The following LRRC4C variants were observed in gnomAD, a reference collection of about 807,000 sequenced individuals.
LRRC4C encodes the protein leucine-rich repeat-containing protein 4C.
Under a neutral mutation model 33.6 loss-of-function variants are expected in LRRC4C, and 5 were observed. The observed-to-expected ratio is 0.15, with a 90% CI of 0.08 to 0.31. The LOEUF (loss-of-function observed/expected upper bound fraction) is 0.31. Among genes scored for constraint, LRRC4C ranks in the 10% least tolerant of loss-of-function variants. The pLI, the probability that LRRC4C is intolerant of heterozygous loss-of-function variation, is 1.00. For synonymous variants in LRRC4C, 329 were observed against 302.0 expected, an observed-to-expected ratio of 1.09 and a Z score of -0.93; for missense variants, 560 against 796.7, an observed-to-expected ratio of 0.70 and a Z score of 3.58.
chr11:40,582,870 CATGATATGTTTTGATA>C (rs1418025999), intron 3 of LRRC4C, among the ~76,000 whole-genome samples: 1 of 151,932 alleles, frequency 6.6e-6, no homozygotes, highest in Non-Finnish European at 1.5e-5. Context: ...TTATGGAGTA[CATGATATGTTTTGATA>C]CATGCATACA....
intron 1 of LRRC4C, among the ~76,000 whole-genome samples, chr11:41,028,445 G>T (rs374094276): frequency 6.6e-6 from 1 of 151,228 alleles, no homozygotes; most frequent in Non-Finnish European, 1.5e-5. Flanking sequence ...CAGCAGCTTC[G>T]CCTCAGAATT....
chr11:40,372,580 C>A (rs1157307042), intron 3 of LRRC4C, among the ~76,000 whole-genome samples: 1 of 152,146 alleles, frequency 6.6e-6, no homozygotes, highest in African/African-American at 2.4e-5. Context: ...TTCACAGCTT[C>A]CAGAAATTAG....
At chr11:40,577,992 G>A (rs1958274763) in intron 3 of LRRC4C, among the ~76,000 whole-genome samples, 1 of 151,016 alleles carries the variant, frequency 6.6e-6, no homozygotes, top group Non-Finnish European at 1.5e-5. Context: ...CCTCCACTAT[G>A]CCCGGTTAAT....
At chr11:40,184,122 C>A (rs2135544648) in intron 5 of LRRC4C, among the ~76,000 whole-genome samples, 1 of 152,240 alleles carries the variant, frequency 6.6e-6, no homozygotes, top group South Asian at 2.1e-4. Context: ...ATCTCAATTT[C>A]CCTGGGACAG....
chr11:40,723,268 T>C (rs1036113569), intron 2 of LRRC4C, among the ~76,000 whole-genome samples: 8 of 151,696 alleles, frequency 5.3e-5, no homozygotes, highest in Admixed American at 2.0e-4. Flanking sequence ...CCCTGCAAGA[T>C]ACTATATAAG....
At chr11:40,891,940 C>T (rs910462485) in intron 2 of LRRC4C, among the ~76,000 whole-genome samples, 2 of 151,818 alleles carry the variant, frequency 1.3e-5, no homozygotes, top group Admixed American at 6.6e-5. Flanking sequence ...TCGAGACCAT[C>T]CTGGCTAACA....
At chr11:41,065,600 C>T (rs911757727) in intron 1 of LRRC4C, among the ~76,000 whole-genome samples, 10 of 152,194 alleles carry the variant, frequency 6.6e-5, no homozygotes, top group Admixed American at 4.6e-4. Flanking sequence ...GGGTCCCTGA[C>T]CCCATGCCTC....
chr11:40,509,227 C>T (rs1365835738), intron 3 of LRRC4C, among the ~76,000 whole-genome samples: 1 of 152,114 alleles, frequency 6.6e-6, no homozygotes, highest in Non-Finnish European at 1.5e-5. Context: ...AGAAATTCTA[C>T]TTGAAATATT....
chr11:40,462,730 T>C (rs1325720681), intron 3 of LRRC4C, among the ~76,000 whole-genome samples: 1 of 152,114 alleles, frequency 6.6e-6, no homozygotes, highest in African/African-American at 2.4e-5. Flanking sequence ...GGAGAGCTAC[T>C]GACTCACACC....
rs79514961 is a variant in LRRC4C, at chr11:41,151,583, T to C, written c.-495-217860A>G. 6.2e-3 allele frequency among the ~76,000 whole-genome samples: 948 copies of C among 152,268 alleles called. 14 individuals carry two copies. The highest frequency in any genetic ancestry group is 0.022 in the African/African-American group (895 of 41,548). On this transcript the variant is annotated intron_variant, in intron 1 of 6. Transcript: ENST00000528697. The stretch of plus-strand genomic sequence containing the variant: ...ACATATTTCCTTTAAAACTGGGGAA[T>C]CTCACTAAAGGAAATCAATCAATTT...
At chr11:41,357,892 T>A (rs1029305919) in intron 1 of LRRC4C, among the ~76,000 whole-genome samples, 3 of 152,140 alleles carry the variant, frequency 2.0e-5, no homozygotes, top group Non-Finnish European at 4.4e-5. Flanking sequence ...ATTTTGTGGA[T>A]GTTGACAAAC....
At chr11:40,967,970 T>C (rs978281766) in intron 1 of LRRC4C, among the ~76,000 whole-genome samples, 4 of 151,876 alleles carry the variant, frequency 2.6e-5, no homozygotes, top group African/African-American at 9.7e-5. Context: ...AATCCAAAGG[T>C]AGAAAGATTA....
intron 1 of LRRC4C, among the ~76,000 whole-genome samples, chr11:41,394,192 G>T (rs1222729255): frequency 6.6e-6 from 1 of 151,862 alleles, no homozygotes; most frequent in African/African-American, 2.4e-5. Context: ...TGGCTATTGT[G>T]GATTAGAGTG....
At chr11:40,570,431 T>C (rs1459664138) in intron 3 of LRRC4C, among the ~76,000 whole-genome samples, 3 of 152,158 alleles carry the variant, frequency 2.0e-5, no homozygotes, top group African/African-American at 7.2e-5. Flanking sequence ...CCAGGAAAAG[T>C]AATGTGATCC....
chr11:41,171,253 G>A (rs189480209), intron 1 of LRRC4C, among the ~76,000 whole-genome samples: 145 of 152,044 alleles, frequency 9.5e-4, no homozygotes, highest in African/African-American at 3.4e-3. Context: ...CCCATTACTG[G>A]GTATATACCC....
intron 3 of LRRC4C, among the ~76,000 whole-genome samples, chr11:40,353,283 G>A (rs1429454993): frequency 1.3e-5 from 2 of 150,784 alleles, no homozygotes; most frequent in Admixed American, 6.6e-5. Context: ...TTCTTCTTTT[G>A]TCTTCTCTGC....
intron 3 of LRRC4C, among the ~76,000 whole-genome samples, chr11:40,598,356 A>G (rs745907796): frequency 1.3e-5 from 2 of 152,202 alleles, no homozygotes; most frequent in Non-Finnish European, 2.9e-5. Flanking sequence ...GTTTTAAGAC[A>G]AGTATTTTTG....
chr11:40,199,116 G>C (rs1229887663), intron 5 of LRRC4C, among the ~76,000 whole-genome samples: 1 of 152,116 alleles, frequency 6.6e-6, no homozygotes, highest in Non-Finnish European at 1.5e-5. Flanking sequence ...TGTCATCCAG[G>C]CTGGAGTTCA....
At chr11:41,098,626 T>C (rs1327612201) in intron 1 of LRRC4C, among the ~76,000 whole-genome samples, 1 of 152,200 alleles carries the variant, frequency 6.6e-6, no homozygotes, top group Non-Finnish European at 1.5e-5. Context: ...AAATCTTTGC[T>C]TGTACCTTAG....
Sources: gnomAD v4.1 joint callset for allele counts (sites outside exome capture counted in the v4.1 genomes callset) on GRCh38, gnomAD v4.1.1 for gene constraint, MANE v1.5 for transcripts, NCBI Gene and HGNC (gene_info 2026-07-23, HGNC 2026-07-21) for gene names.